XRN1: variants seen among roughly 807,000 people sequenced by gnomAD.
XRN1 encodes the protein 5'-3' exoribonuclease 1, also known as strand-exchange protein 1 homolog.
XRN1 carries 67 observed loss-of-function variants against 222.3 expected under a neutral mutation model. The ratio of observed to expected loss-of-function variants is 0.30; its 90% CI spans 0.25 to 0.37. XRN1 has a LOEUF of 0.37. XRN1 is among the 10% of genes least tolerant of loss of function. XRN1 has a pLI of 1.00. For missense variants in XRN1, 1,707 were observed against 2,000.2 expected (o/e 0.85, Z 2.80); for synonymous variants, 643 against 652.4 (o/e 0.99, Z 0.22).
intron 37 of XRN1, 140 bp downstream of exon 37, chr3:142,329,294 G>T (rs944318012): frequency 4.0e-6 from 2 of 505,140 alleles, no homozygotes; most frequent in East Asian, 7.7e-5. Context: ...TAGAGCTAGG[G>T]TAAGAAGCAT....
chr3:142,402,429 C>T (rs922810290), intron 18 of XRN1, among the ~76,000 whole-genome samples: 3 of 151,996 alleles, frequency 2.0e-5, no homozygotes, highest in African/African-American at 4.8e-5. Flanking sequence ...ATGATATGCC[C>T]GCCTCAGCCT....
Position 142,418,833 on chromosome 3 carries a change from C to T in XRN1, c.1222G>A (p.Glu408Lys), listed in dbSNP as rs765434787. ...TACTTACCCTTAGAAGTTATCATTT[C>T]GCCTTCATTTTTGTCTAAAGCAGTC... ...CWTALDKNEG[E>K]MITSKDNLED... is the part of the protein sequence containing the mutation. The change falls in exon 11 of 41, where the codon GAA becomes AAA. Residue 408 changes from glutamate (E) to lysine (K), a missense_variant. Glu to Lys is a moderately conservative substitution (Grantham distance 56, BLOSUM62 1). Coordinates refer to ENST00000392981, the MANE Select transcript of XRN1 (RefSeq NM_001282857.2). The T allele has an allele frequency of 1.7e-5, 27 of 1,613,952 alleles. No individual in the cohort carries two copies. Among genetic ancestry groups the T allele is most frequent in the Admixed American group, 1.2e-4 (7 of 60,012 alleles).
At chr3:142,325,385 G>A (rs2065487722) in intron 37 of XRN1, among the ~76,000 whole-genome samples, 1 of 151,934 alleles carries the variant, frequency 6.6e-6, no homozygotes, top group Non-Finnish European at 1.5e-5. Flanking sequence ...TGTTTGCTGA[G>A]ATCATTTGCC....
At chr3:142,338,200 C>A (rs1050967336) in intron 33 of XRN1, among the ~76,000 whole-genome samples, 1 of 152,170 alleles carries the variant, frequency 6.6e-6, no homozygotes, top group Non-Finnish European at 1.5e-5. Flanking sequence ...CAGCTTGAGG[C>A]TCCAAAAGAC....
At chr3:142,348,190 C>T (rs2066203102) in intron 32 of XRN1, among the ~76,000 whole-genome samples, 1 of 151,958 alleles carries the variant, frequency 6.6e-6, no homozygotes, top group African/African-American at 2.4e-5. Context: ...TTAAACTTTT[C>T]CATTAAAAAG....
chr3:142,448,013 A>C lies in XRN1; in HGVS notation c.-69T>G. 9.8e-6 allele frequency: 15 copies of C among 1,536,966 alleles called. No homozygotes were observed. The highest frequency in any genetic ancestry group is 1.3e-5 in the Non-Finnish European group (14 of 1,116,070). ...AAACGCCCCGCCGGGGCTCCGCCGCAGCCTCCGGTCGTCGCTCCGCGGATG... is the reference window on the plus strand; with the variant it reads ...AAACGCCCCGCCGGGGCTCCGCCGCCGCCTCCGGTCGTCGCTCCGCGGATG... On this transcript the variant is annotated 5_prime_UTR_variant, in exon 1 of 41. Transcript: ENST00000392981.
intron 19 of XRN1, among the ~76,000 whole-genome samples, chr3:142,399,256 A>T (rs2068039613): frequency 6.6e-6 from 1 of 151,596 alleles, no homozygotes; most frequent in Non-Finnish European, 1.5e-5. Context: ...AAAAAAAAAA[A>T]AGTGAAGTTG....
chr3:142,426,464 A>G (rs1439336698), intron 3 of XRN1: 1 of 319,562 alleles, frequency 3.1e-6, no homozygotes, highest in Admixed American at 4.6e-5. Context: ...AGAAAGATAT[A>G]TAAACATAAG....
At chr3:142,343,454 TA>T (rs532574616) in intron 33 of XRN1, among the ~76,000 whole-genome samples, 175 of 133,190 alleles carry the variant, frequency 1.3e-3, no homozygotes, top group Non-Finnish European at 1.3e-3. Flanking sequence ...AATTCCGTCT[TA>T]AAAAAAAAAA....
At chr3:142,433,329 GAT>G (rs1179962356) in intron 1 of XRN1, among the ~76,000 whole-genome samples, 2 of 152,094 alleles carry the variant, frequency 1.3e-5, no homozygotes, top group Non-Finnish European at 2.9e-5. Flanking sequence ...TTTAACATAT[GAT>G]GTAAAGCCTA....
intron 18 of XRN1, among the ~76,000 whole-genome samples, chr3:142,402,280 T>C (rs893867315): frequency 1.3e-5 from 2 of 152,192 alleles, no homozygotes; most frequent in South Asian, 2.1e-4. Flanking sequence ...CCTCCTGGGT[T>C]CAAGCAATTC....
At position 142,422,585 on chromosome 3, in the gene XRN1, C is replaced by T. The variant is rs574627482; in HGVS notation, c.964G>A (p.Gly322Arg). The part of the protein sequence containing the change: ...GTYVTILPEL[G>R]GYINESGHLN... The stretch of plus-strand genomic sequence containing the variant: ...GAGATTATTAAATTCTTCTTACCCC[C>T]AAGTTCTGGCAGGATGGTAACATAT... Residue 322 changes from glycine (G) to arginine (R), a missense_variant, in exon 8 of 41, where the codon GGG becomes AGG. Gly to Arg is a moderately radical substitution (Grantham distance 125). This residue lies in a region of XRN1 where 1,234 missense variants were observed against 1,518.2 expected (regional missense o/e 0.81). Transcript: ENST00000392981. 5.5e-5 allele frequency: 88 copies of T among 1,612,730 alleles called. 1 individual carries two copies. In the South Asian group the frequency reaches 9.5e-4, roughly 17 times the overall value.
At chr3:142,318,514 T>C in intron 39 of XRN1, 78 bp downstream of exon 39, 1 of 1,272,320 alleles carries the variant, frequency 7.9e-7, no homozygotes, top group Non-Finnish European at 1.1e-6. Flanking sequence ...GATATTTGAG[T>C]ACATTCTTGA....
intron 20 of XRN1, among the ~76,000 whole-genome samples, chr3:142,387,124 G>A (rs766643800): frequency 1.3e-5 from 2 of 152,112 alleles, no homozygotes; most frequent in Non-Finnish European, 2.9e-5. Context: ...CAATGTAATA[G>A]TATCATTAGT....
chr3:142,312,306 T>A (rs923968223), intron 40 of XRN1, among the ~76,000 whole-genome samples: 1 of 152,044 alleles, frequency 6.6e-6, no homozygotes, highest in Non-Finnish European at 1.5e-5. Context: ...ATAATAATAA[T>A]AAAAATACAA....
chr3:142,436,059 CAAAAAAAAAA>C (rs750789773), intron 1 of XRN1: 1 of 112,410 alleles, frequency 8.9e-6, no homozygotes, highest in Admixed American at 9.6e-5. Flanking sequence ...GACTCCACCT[CAAAAAAAAAA>C]AAAAAAAAAA....
intron 30 of XRN1, 151 bp from the exon 31 acceptor site, chr3:142,357,270 G>T (rs1186881668): frequency 1.1e-5 from 8 of 708,708 alleles, no homozygotes; most frequent in African/African-American, 1.1e-4. Context: ...CACAGCAATA[G>T]CTCAATTTAT....
rs1199959102 is a variant in XRN1 at position 142,432,044 on chromosome 3, C to T, written c.308+617G>A. ...TTTAATATATATAATCTTTTTGAGA[C>T]GGAGTTTTGCATATATATATGCAAA... On this transcript the variant is annotated intron_variant, in intron 2 of 40. Coordinates refer to ENST00000392981, the MANE Select transcript of XRN1 (RefSeq NM_001282857.2). Among the ~76,000 whole-genome samples, 877 of 90,578 alleles carry T rather than the reference C, an allele frequency of 9.7e-3. 20 individuals carry two copies. Among genetic ancestry groups the T allele is most frequent in the African/African-American group, 0.039 (815 of 20,768 alleles). The allele number at this position is 90,578 out of a possible 152,430, so 59.4% of individuals were successfully genotyped here. A position where few individuals can be genotyped will look rare whatever the true frequency, so the allele number is the denominator to read the frequency against.
At chr3:142,427,334 A>C (rs1331426969) in intron 2 of XRN1, among the ~76,000 whole-genome samples, 1 of 152,042 alleles carries the variant, frequency 6.6e-6, no homozygotes, top group Non-Finnish European at 1.5e-5. Context: ...TCTCTGTCTC[A>C]TTTAAAAAAA....
Sources: gnomAD v4.1 joint callset for allele counts (sites outside exome capture counted in the v4.1 genomes callset) on GRCh38, gnomAD v4.1.1 for gene constraint, gnomAD v4.1.1 regional missense constraint, MANE v1.5 for transcripts, NCBI Gene and HGNC (gene_info 2026-07-23, HGNC 2026-07-21) for gene names.